TAF4: variants seen among roughly 807,000 people sequenced by gnomAD.
TAF4 encodes TATA-box binding protein associated factor 4, also known as transcription initiation factor TFIID subunit 4.
A neutral mutation model predicts 90.3 loss-of-function variants in TAF4; 9 were observed. That is an observed-to-expected ratio of 0.10 (90% CI 0.06 to 0.17). The LOEUF is 0.17. Among genes scored for constraint, TAF4 ranks in the 10% least tolerant of loss-of-function variants. TAF4 has a pLI of 1.00. For synonymous variants in TAF4, 818 were observed against 638.9 expected, an observed-to-expected ratio of 1.28 and a Z score of -4.23; for missense variants, 1,351 against 1,370.7, an observed-to-expected ratio of 0.99 and a Z score of 0.23.
chr20:62,042,905 A>C (rs1329334518), intron 1 of TAF4, among the ~76,000 whole-genome samples: 2 of 144,346 alleles, frequency 1.4e-5, no homozygotes, highest in African/African-American at 5.2e-5. Context: ...GACTGCAGGG[A>C]GACGGGACTT....
chr20:62,014,822 T>C (rs1211858922), intron 1 of TAF4, 115 bp from the exon 2 acceptor site: 3 of 1,394,386 alleles, frequency 2.2e-6, no homozygotes, highest in African/African-American at 1.5e-5. Context: ...GGAAATCAAG[T>C]CTTAAACACA....
At chr20:62,026,605 C>G (rs2055875928) in intron 1 of TAF4, among the ~76,000 whole-genome samples, 1 of 152,204 alleles carries the variant, frequency 6.6e-6, no homozygotes, top group East Asian at 1.9e-4. Context: ...CGCAGGTGGA[C>G]AGACTGCGCG....
chr20:62,062,436 TAA>T (rs1428061444), intron 1 of TAF4, among the ~76,000 whole-genome samples: 1 of 151,916 alleles, frequency 6.6e-6, no homozygotes, highest in Non-Finnish European at 1.5e-5. Context: ...TTGAAACAAA[TAA>T]CATAATCAAA....
chr20:62,041,768 A>T (rs925100614), intron 1 of TAF4, among the ~76,000 whole-genome samples: 1 of 133,012 alleles, frequency 7.5e-6, no homozygotes, highest in Non-Finnish European at 1.6e-5. Context: ...CCTTCTCTCT[A>T]AAAAAAAAAA....
chr20:62,011,199 ATTT>A (rs28382063), intron 3 of TAF4, among the ~76,000 whole-genome samples: 1,769 of 150,426 alleles, frequency 0.012, 37 homozygotes, highest in African/African-American at 0.039. Flanking sequence ...ATAAGCATGG[ATTT>A]TTTTTTTAAC....
At chr20:62,020,415 G>C (rs2055836361) in intron 1 of TAF4, among the ~76,000 whole-genome samples, 5 of 152,256 alleles carry the variant, frequency 3.3e-5, no homozygotes, top group Admixed American at 3.3e-4. Flanking sequence ...GGGGACACAA[G>C]GTCCCAACCC....
At chr20:62,001,724 C>G (rs901004899) in intron 9 of TAF4, among the ~76,000 whole-genome samples, 2 of 152,114 alleles carry the variant, frequency 1.3e-5, no homozygotes, top group Non-Finnish European at 2.9e-5. Context: ...CTGAAGGACC[C>G]GGCCATGGGA....
intron 1 of TAF4, among the ~76,000 whole-genome samples, chr20:62,017,838 A>T (rs2055821097): frequency 6.6e-6 from 1 of 152,184 alleles, no homozygotes; most frequent in Non-Finnish European, 1.5e-5. Flanking sequence ...CACCTCAAAA[A>T]AAAAGAAAAA....
intron 1 of TAF4, among the ~76,000 whole-genome samples, chr20:62,014,995 C>G (rs1207542674): frequency 6.6e-6 from 1 of 152,188 alleles, no homozygotes; most frequent in African/African-American, 2.4e-5. Flanking sequence ...CCACCGGCCA[C>G]ACCACGTGCC....
chr20:62,040,315 C>T (rs1030387269), intron 1 of TAF4, among the ~76,000 whole-genome samples: 2 of 152,372 alleles, frequency 1.3e-5, no homozygotes, highest in East Asian at 1.9e-4. Flanking sequence ...GGCACGCACA[C>T]GACACACCAC....
At position 62,064,864 on chromosome 20, in the gene TAF4, G is replaced by A. The variant is rs1489768770; in HGVS notation, c.947C>T (p.Ala316Val). The change falls in exon 1 of 15, where the codon GCC becomes GTC. Residue 316 changes from alanine (A) to valine (V), a missense_variant. By Grantham distance (64) the Ala-to-Val change is moderately conservative. Transcript: ENST00000252996. The part of the protein sequence containing the change: ...GGSAGAAPAP[A>V]PAAGGPAGVS... ...CCCCGCGGGGCCCCCGGCGGCCGGGGCGGGGGCGGGGGCTGCCCCGGCGCT... is the reference window on the plus strand; with the variant it reads ...CCCCGCGGGGCCCCCGGCGGCCGGGACGGGGGCGGGGGCTGCCCCGGCGCT... 5.7e-5 allele frequency: 53 copies of A among 934,994 alleles called. No individual in the cohort carries two copies. The Admixed American group carries it at 2.3e-3, about 40-fold the overall frequency. The allele number at this position is 934,994 out of a possible 1,614,324, so 57.9% of individuals were successfully genotyped here. A position where few individuals can be genotyped will look rare whatever the true frequency, so the allele number is the denominator to read the frequency against.
intron 14 of TAF4, among the ~76,000 whole-genome samples, chr20:61,990,890 T>C (rs1343585111): frequency 6.6e-6 from 1 of 152,142 alleles, no homozygotes. Context: ...GCAAACCACG[T>C]GTCCTGTTAC....
At chr20:62,003,605 C>G in intron 8 of TAF4, 126 bp downstream of exon 8, 1 of 1,092,162 alleles carries the variant, frequency 9.2e-7, no homozygotes, top group East Asian at 2.6e-5. Context: ...TGCCACTGAA[C>G]TAGATACTTA....
At chr20:62,052,271 C>T (rs1009417684) in intron 1 of TAF4, among the ~76,000 whole-genome samples, 1 of 151,970 alleles carries the variant, frequency 6.6e-6, no homozygotes, top group Non-Finnish European at 1.5e-5. Flanking sequence ...CCCACCGACC[C>T]GAAGCACGAA....
At chr20:61,991,279 G>A (rs1283613132) in intron 14 of TAF4, among the ~76,000 whole-genome samples, 5 of 151,812 alleles carry the variant, frequency 3.3e-5, no homozygotes, top group Non-Finnish European at 7.4e-5. Context: ...AAATTAGCTG[G>A]GTGTGGTGGT....
intron 1 of TAF4, among the ~76,000 whole-genome samples, chr20:62,042,876 G>C (rs1289903270): frequency 8.1e-6 from 1 of 123,088 alleles, no homozygotes; most frequent in East Asian, 2.3e-4. Flanking sequence ...ACGGCTCCAT[G>C]TGTGTTACTG....
intron 14 of TAF4, chr20:61,979,364 C>T: frequency 6.5e-6 from 1 of 153,102 alleles, no homozygotes; most frequent in Non-Finnish European, 1.5e-5. Context: ...GAAAGAAGGG[C>T]CTGTGGGGAC....
intron 6 of TAF4, chr20:62,007,039 G>A (rs764713131): frequency 8.6e-6 from 3 of 348,572 alleles, no homozygotes; most frequent in African/African-American, 6.3e-5. Flanking sequence ...TAACATCACT[G>A]GAAGAGAAGA....
chr20:61,988,464 C>T (rs1428534454), intron 14 of TAF4, among the ~76,000 whole-genome samples: 1 of 152,116 alleles, frequency 6.6e-6, no homozygotes, highest in Non-Finnish European at 1.5e-5. Context: ...TGAGGCTAAA[C>T]TGGGTGAGGG....
Sources: gnomAD v4.1 joint callset for allele counts (sites outside exome capture counted in the v4.1 genomes callset) on GRCh38, gnomAD v4.1.1 for gene constraint, MANE v1.5 for transcripts, NCBI Gene and HGNC (gene_info 2026-07-23, HGNC 2026-07-21) for gene names.